ANKRD2: variants seen among roughly 807,000 people sequenced by gnomAD.
ANKRD2 encodes the protein ankyrin repeat domain-containing protein 2.
A neutral mutation model predicts 37.3 loss-of-function variants in ANKRD2; 35 were observed. The observed-to-expected ratio is 0.94, with a 90% confidence interval of 0.72 to 1.24. The LOEUF (loss-of-function observed/expected upper bound fraction) is 1.24, where lower values mean the gene tolerates loss of function less well. Ranked by LOEUF, ANKRD2 falls within the 50% of genes most tolerant of loss-of-function variation. The pLI is 0.00. For synonymous variants in ANKRD2, 159 were observed against 186.5 expected (o/e 0.85, Z 1.20); for missense variants, 410 against 445.6 (o/e 0.92, Z 0.72).
intron 8 of ANKRD2, among the ~76,000 whole-genome samples, chr10:97,583,324 T>C (rs2282373): frequency 0.56 from 84,596 of 151,992 alleles, 26,497 homozygotes; most frequent in Non-Finnish European, 0.73. Context: ...CATTTAGGGC[T>C]GGGTGATTGT....
At chr10:97,577,655 C>A in intron 1 of ANKRD2, 145 bp from the exon 2 acceptor site, 1 of 595,400 alleles carries the variant, frequency 1.7e-6, no homozygotes, top group Non-Finnish European at 2.7e-6. Flanking sequence ...AGGGGCCCTG[C>A]TCTTGCTGGG....
At position 97,583,652 on chromosome 10, in the gene ANKRD2, G is replaced by C. The variant is rs1262097625; in HGVS notation, c.929G>C (p.Gly310Ala). 1.9e-6 allele frequency: 3 copies of C among 1,606,414 alleles called. No individual in the cohort carries two copies. Among genetic ancestry groups the C allele is most frequent in the Non-Finnish European group, 2.5e-6 (3 of 1,177,036 alleles). Residue 310 changes from glycine to alanine, a missense_variant, in exon 9 of 9, where the codon GGG becomes GCG. Gly to Ala is a moderately conservative substitution (Grantham distance 60). Coordinates refer to ENST00000370655, the MANE Select transcript of ANKRD2 (RefSeq NM_001346793.2). ...CACGCCCTGGAGCATCCTGAGCCGGGGGCTGAGCATAACGGGCTGGAGGGG... is the reference window on the plus strand; with the variant it reads ...CACGCCCTGGAGCATCCTGAGCCGGCGGCTGAGCATAACGGGCTGGAGGGG... ...TRHALEHPEP[G>A]AEHNGLEGPN...
At chr10:97,581,769 G>A (rs555734413) in intron 6 of ANKRD2, among the ~76,000 whole-genome samples, 26 of 152,280 alleles carry the variant, frequency 1.7e-4, no homozygotes, top group Admixed American at 5.9e-4. Flanking sequence ...TCATCTATCC[G>A]TCTATCCATC....
At chr10:97,582,268 A>G (rs1434607728) in intron 6 of ANKRD2, 47 bp from the exon 7 acceptor site, 1 of 1,507,238 alleles carries the variant, frequency 6.6e-7, no homozygotes, top group Admixed American at 2.0e-5. Flanking sequence ...CAGGGGTACC[A>G]CAGTTCAGGC....
chr10:97,574,792 C>T (rs2040803634), intron 1 of ANKRD2, among the ~76,000 whole-genome samples: 1 of 152,180 alleles, frequency 6.6e-6, no homozygotes. Context: ...GCAAGCATCC[C>T]TGGATCTCTA....
Position 97,580,966 on chromosome 10 carries a change from G to A in ANKRD2, c.555+13G>A. On this transcript the variant is annotated intron_variant, in intron 5 of 8. Transcript: ENST00000370655. ...CTTCCAGGATCGGGTGAGTGAGAGGGCAGGTATTCAATGGGAGACAGGAGG... is the reference window on the plus strand; with the variant it reads ...CTTCCAGGATCGGGTGAGTGAGAGGACAGGTATTCAATGGGAGACAGGAGG... 1.3e-6 allele frequency: 2 copies of A among 1,572,060 alleles called. No individual in the cohort carries two copies. The highest frequency in any genetic ancestry group is 1.2e-5 in the South Asian group (1 of 85,880).
chr10:97,575,565 T>C (rs2040817108), intron 1 of ANKRD2, among the ~76,000 whole-genome samples: 1 of 152,072 alleles, frequency 6.6e-6, no homozygotes, highest in Admixed American at 6.5e-5. Flanking sequence ...AGGCTAGGCA[T>C]TTGAGGCCAG....
intron 4 of ANKRD2, among the ~76,000 whole-genome samples, chr10:97,579,088 A>G (rs1483363532): frequency 6.6e-6 from 1 of 152,082 alleles, no homozygotes; most frequent in African/African-American, 2.4e-5. Context: ...TCAAGGTGGG[A>G]GGAGCGCTTG....
At chr10:97,572,634 C>T, upstream of ANKRD2, 1 of 1,509,576 alleles carries the variant, frequency 6.6e-7, no homozygotes, top group Non-Finnish European at 8.9e-7. Context: ...CCCTGGCTCC[C>T]CCTGCTCCCT....
chr10:97,578,159 C>A, intron 2 of ANKRD2, 81 bp from the exon 3 acceptor site: 1 of 1,260,288 alleles, frequency 7.9e-7, no homozygotes, highest in Non-Finnish European at 1.1e-6. Flanking sequence ...CCCCACCCTC[C>A]CCACCAGCTT....
intron 1 of ANKRD2, 137 bp from the exon 2 acceptor site, chr10:97,577,662 TG>T: frequency 1.6e-6 from 1 of 632,944 alleles, no homozygotes; most frequent in Non-Finnish European, 2.5e-6. Flanking sequence ...CTGCTCTTGC[TG>T]GGGGCTCCCC....
chr10:97,572,888 G>C lies in ANKRD2; in HGVS notation c.87+13G>C, dbSNP rs1313548592. ...GGAGGAGAATGAGGTGCGAGCAGGGGTGGAGGTGCCCAAGGGGGTCTGAGG... is the reference window on the plus strand; with the variant it reads ...GGAGGAGAATGAGGTGCGAGCAGGGCTGGAGGTGCCCAAGGGGGTCTGAGG... On this transcript the variant is annotated intron_variant, in intron 1 of 8. Coordinates refer to ENST00000370655, the MANE Select transcript of ANKRD2 (RefSeq NM_001346793.2). The C allele has an allele frequency of 1.9e-6, 3 of 1,550,204 alleles. No individual in the cohort carries two copies. In the Admixed American group the frequency reaches 5.9e-5, roughly 30 times the overall value.
intron 6 of ANKRD2, 41 bp downstream of exon 6, chr10:97,581,455 C>T: frequency 1.3e-6 from 2 of 1,598,882 alleles, no homozygotes; most frequent in South Asian, 1.1e-5. Flanking sequence ...ATTGGGGTGG[C>T]TGTGGGGAGA....
chr10:97,578,148 AC>A, intron 2 of ANKRD2, 91 bp from the exon 3 acceptor site: 1 of 227,704 alleles, frequency 4.4e-6, no homozygotes, highest in Non-Finnish European at 8.3e-6. Flanking sequence ...CTTCCTGCCC[AC>A]CCCACCCTCC....
At chr10:97,582,136 G>C (rs2040905666) in intron 6 of ANKRD2, among the ~76,000 whole-genome samples, 179 bp from the exon 7 acceptor site, 1 of 152,188 alleles carries the variant, frequency 6.6e-6, no homozygotes, top group African/African-American at 2.4e-5. Context: ...TAAGGCTTTA[G>C]AGTTAGGCCA....
chr10:97,581,177 C>A, intron 5 of ANKRD2, 139 bp from the exon 6 acceptor site: 1 of 875,086 alleles, frequency 1.1e-6, no homozygotes, highest in Non-Finnish European at 1.8e-6. Flanking sequence ...TTCTGTTCCA[C>A]TTGGTCCATT....
intron 4 of ANKRD2, among the ~76,000 whole-genome samples, chr10:97,579,014 C>T (rs1195269834): frequency 1.1e-4 from 17 of 151,996 alleles, no homozygotes; most frequent in Admixed American, 9.8e-4. Flanking sequence ...CAACATGTTA[C>T]GGTGATCAAA....
intron 4 of ANKRD2, among the ~76,000 whole-genome samples, chr10:97,579,886 C>T (rs1242152591): frequency 6.6e-6 from 1 of 152,200 alleles, no homozygotes; most frequent in Non-Finnish European, 1.5e-5. Context: ...CATGAGCCAC[C>T]GTGTCCGGCC....
At chr10:97,579,932 A>G (rs761360092) in intron 4 of ANKRD2, among the ~76,000 whole-genome samples, 1 of 152,000 alleles carries the variant, frequency 6.6e-6, no homozygotes, top group East Asian at 1.9e-4. Flanking sequence ...TTCATCACCC[A>G]TCATACTTCT....
Sources: allele counts gnomAD v4.1 joint callset (sites outside exome capture counted in the v4.1 genomes callset), GRCh38; gene constraint gnomAD v4.1.1; transcripts MANE v1.5; gene names NCBI Gene and HGNC (gene_info 2026-07-23, HGNC 2026-07-21).